The following OR3A2 variants were observed in gnomAD, a reference collection of about 807,000 sequenced individuals.
OR3A2 encodes the protein olfactory receptor 3A2.
For synonymous variants in OR3A2, 126 were observed against 159.3 expected, an observed-to-expected ratio of 0.79 and a Z score of 1.57; for missense variants, 318 against 392.8, an observed-to-expected ratio of 0.81 and a Z score of 1.61.
At chr17:3,318,968 C>G (rs1038475747) in intron 3 of OR3A2, among the ~76,000 whole-genome samples, 17 of 152,060 alleles carry the variant, frequency 1.1e-4, no homozygotes, top group African/African-American at 3.4e-4. Context: ...TTTAAATAAA[C>G]CCTATTCTAT....
At chr17:3,326,423 AC>A (rs1051738787) in intron 3 of OR3A2, among the ~76,000 whole-genome samples, 3 of 151,936 alleles carry the variant, frequency 2.0e-5, no homozygotes, top group Non-Finnish European at 4.4e-5. Context: ...GAAGTCAGGG[AC>A]CCCAAATGGA....
At chr17:3,312,829 G>C (rs551603895) in intron 3 of OR3A2, among the ~76,000 whole-genome samples, 3 of 152,192 alleles carry the variant, frequency 2.0e-5, no homozygotes, top group South Asian at 2.1e-4. Flanking sequence ...TTACCATATT[G>C]GCCAGGCTGG....
At chr17:3,384,653 G>T (rs554445217) in intron 1 of OR3A2, among the ~76,000 whole-genome samples, 2 of 152,134 alleles carry the variant, frequency 1.3e-5, no homozygotes, top group South Asian at 4.2e-4. Context: ...ACTGTTTGGG[G>T]GCAGAAGCTA....
intron 3 of OR3A2, among the ~76,000 whole-genome samples, chr17:3,318,939 A>T (rs2017970): frequency 0.15 from 23,031 of 151,984 alleles, 2,316 homozygotes; most frequent in African/African-American, 0.28. Flanking sequence ...TTCCTATTGT[A>T]GTTTTACTTT....
chr17:3,358,437 AT>A (rs1225493707), intron 2 of OR3A2, among the ~76,000 whole-genome samples: 1 of 151,532 alleles, frequency 6.6e-6, no homozygotes, highest in Non-Finnish European at 1.5e-5. Context: ...CCCTCTTAAC[AT>A]TGCTTTAGCT....
chr17:3,319,392 A>G (rs2049101496), intron 3 of OR3A2, among the ~76,000 whole-genome samples: 1 of 151,976 alleles, frequency 6.6e-6, no homozygotes, highest in Admixed American at 6.6e-5. Context: ...TTTTATTATT[A>G]TACTTTAAGT....
intron 2 of OR3A2, among the ~76,000 whole-genome samples, chr17:3,376,334 G>A (rs1222681789): frequency 2.0e-5 from 3 of 152,136 alleles, no homozygotes; most frequent in African/African-American, 2.4e-5. Context: ...CTCAGGTGAC[G>A]GTTGGGGCCA....
upstream of OR3A2, among the ~76,000 whole-genome samples, chr17:3,287,286 T>G (rs376725769): frequency 5.3e-5 from 7 of 132,538 alleles, no homozygotes; most frequent in East Asian, 2.9e-4. Flanking sequence ...AGTGGTCAGG[T>G]CAGGGTGTTT....
chr17:3,284,433 C>A (rs992368883), upstream of OR3A2: 1 of 151,684 alleles, frequency 6.6e-6, no homozygotes. Context: ...CGTTATCCTC[C>A]CGGAGAGCGA....
intron 3 of OR3A2, among the ~76,000 whole-genome samples, chr17:3,290,166 C>T (rs766854640): frequency 2.6e-5 from 4 of 152,184 alleles, no homozygotes; most frequent in Non-Finnish European, 4.4e-5. Flanking sequence ...GTAGAGAAGA[C>T]GGACTACAAT....
intron 3 of OR3A2, among the ~76,000 whole-genome samples, chr17:3,308,134 C>T (rs891351593): frequency 1.3e-5 from 2 of 152,196 alleles, no homozygotes; most frequent in Non-Finnish European, 1.5e-5. Context: ...AAGTCCATAA[C>T]ATTTTAAAAA....
At chr17:3,278,303 C>T in exon 2 of OR3A2, 1 of 1,614,226 alleles carries the variant, frequency 6.2e-7, no homozygotes, top group Non-Finnish European at 8.5e-7. Flanking sequence ...TGATGAAACC[C>T]ACAGCAAAGA....
chr17:3,303,616 A>G (rs796723703), intron 3 of OR3A2, among the ~76,000 whole-genome samples: 8 of 151,984 alleles, frequency 5.3e-5, no homozygotes, highest in African/African-American at 1.9e-4. Context: ...GTGGTAGTGC[A>G]TGCCTGTAGT....
intron 3 of OR3A2, among the ~76,000 whole-genome samples, chr17:3,318,778 A>T (rs1159319062): frequency 6.6e-6 from 1 of 152,166 alleles, no homozygotes; most frequent in African/African-American, 2.4e-5. Flanking sequence ...ATGTATGTGT[A>T]TATTTTCAAC....
chr17:3,344,528 G>T (rs543922566), intron 2 of OR3A2, among the ~76,000 whole-genome samples: 1 of 152,126 alleles, frequency 6.6e-6, no homozygotes, highest in South Asian at 2.1e-4. Flanking sequence ...GAGTTCTCTT[G>T]CCCTCCTCCA....
intron 3 of OR3A2, among the ~76,000 whole-genome samples, chr17:3,334,957 T>C (rs2049266653): frequency 6.6e-6 from 1 of 152,190 alleles, no homozygotes; most frequent in South Asian, 2.1e-4. Context: ...TGACAGTTTG[T>C]CTCCATTAGA....
chr17:3,325,462 G>A (rs2049163872), intron 3 of OR3A2, among the ~76,000 whole-genome samples: 1 of 151,858 alleles, frequency 6.6e-6, no homozygotes, highest in Admixed American at 6.6e-5. Flanking sequence ...CACCCACCTT[G>A]GCCTCCCAAA....
intron 2 of OR3A2, among the ~76,000 whole-genome samples, chr17:3,348,498 C>T (rs1035459774): frequency 2.1e-4 from 32 of 152,078 alleles, no homozygotes; most frequent in African/African-American, 2.6e-4. Context: ...TAAAAAGAAA[C>T]GAGCAAAGCC....
At chr17:3,293,511 G>A (rs144943768) in intron 3 of OR3A2, among the ~76,000 whole-genome samples, 6 of 152,180 alleles carry the variant, frequency 3.9e-5, no homozygotes, top group African/African-American at 1.4e-4. Flanking sequence ...CAAGCATCTT[G>A]TGAATATCTA....
Sources: gnomAD v4.1 joint callset for allele counts (sites outside exome capture counted in the v4.1 genomes callset) on GRCh38, gnomAD v4.1.1 for gene constraint, MANE v1.5 for transcripts, NCBI Gene and HGNC (gene_info 2026-07-23, HGNC 2026-07-21) for gene names.